Variants in TEX26 observed in about 807,000 individuals in gnomAD.
TEX26 encodes the protein testis-expressed protein 26.
TEX26 carries 34 observed loss-of-function variants against 35.3 expected under a neutral mutation model. That is an observed-to-expected ratio of 0.96 (90% CI 0.73 to 1.28). The LOEUF (loss-of-function observed/expected upper bound fraction) is 1.28, where lower values mean the gene tolerates loss of function less well. Among genes scored for constraint, TEX26 ranks in the 50% most tolerant of loss-of-function variants. The pLI is 0.00. For synonymous variants in TEX26, 136 were observed against 111.8 expected, an observed-to-expected ratio of 1.22 and a Z score of -1.36; for missense variants, 371 against 330.1, an observed-to-expected ratio of 1.12 and a Z score of -0.96.
chr13:30,971,586 T>G (rs928082509), intron 6 of TEX26, among the ~76,000 whole-genome samples: 5 of 152,216 alleles, frequency 3.3e-5, no homozygotes, highest in Non-Finnish European at 2.9e-5. Context: ...AAACTAACGC[T>G]GTGAAAGCAT....
intron 6 of TEX26, among the ~76,000 whole-genome samples, chr13:30,974,131 A>AAAATATATATATATATATATATAT: frequency 3.2e-4 from 27 of 84,404 alleles, no homozygotes; most frequent in South Asian, 4.8e-4. Flanking sequence ...AAAAAAAAAA[A>AAAATATATATATATATATATATAT]ATATATATAT....
At chr13:30,935,601 ACT>A (rs1425676993) in intron 1 of TEX26, among the ~76,000 whole-genome samples, 1 of 152,352 alleles carries the variant, frequency 6.6e-6, no homozygotes, top group East Asian at 1.9e-4. Context: ...TACCCTCTCG[ACT>A]GCCGACAGAC....
Position 30,944,352 on chromosome 13 carries a change from T to C in TEX26, c.146+4574T>C, listed in dbSNP as rs541274701. 3.3e-5 allele frequency among the ~76,000 whole-genome samples: 5 copies of C among 152,132 alleles called. No homozygotes were observed. In the East Asian group the frequency reaches 9.6e-4, roughly 29 times the overall value. ...GTTTATTTGAATATTCTCTCTTCTTTTCTTGGTTAATCTAGTTTATGGTCT... is the reference window on the plus strand; with the variant it reads ...GTTTATTTGAATATTCTCTCTTCTTCTCTTGGTTAATCTAGTTTATGGTCT... On this transcript the variant is annotated intron_variant, in intron 2 of 6. Coordinates refer to ENST00000380473, the MANE Select transcript of TEX26 (RefSeq NM_152325.3).
At chr13:30,969,796 T>C (rs1311646469) in intron 6 of TEX26, among the ~76,000 whole-genome samples, 1 of 152,184 alleles carries the variant, frequency 6.6e-6, no homozygotes, top group Non-Finnish European at 1.5e-5. Flanking sequence ...TAAACTAATG[T>C]ATCACATACA....
rs541894472 is a variant in TEX26 at position 30,967,543 on chromosome 13, C to T, written c.646+1145C>T. 1.8e-4 allele frequency among the ~76,000 whole-genome samples: 28 copies of T among 152,302 alleles called. 1 individual carries two copies. The South Asian group carries it at 3.3e-3, about 18-fold the overall frequency. On this transcript the variant is annotated intron_variant, in intron 5 of 6. Coordinates refer to ENST00000380473, the MANE Select transcript of TEX26 (RefSeq NM_152325.3). ...ACCCTACAAAAACCTTGTCATATGC[C>T]TTCTAAGTCTTCTCTTTTCCAGTTA...
intron 2 of TEX26, among the ~76,000 whole-genome samples, chr13:30,949,118 G>A (rs1352131276): frequency 5.9e-5 from 9 of 152,152 alleles, no homozygotes; most frequent in Non-Finnish European, 1.2e-4. Context: ...TTTGGTACCA[G>A]TACCATGGTG....
intron 2 of TEX26, among the ~76,000 whole-genome samples, chr13:30,949,104 C>T (rs1405130416): frequency 1.3e-5 from 2 of 152,132 alleles, no homozygotes; most frequent in Non-Finnish European, 2.9e-5. Context: ...GTCTATATCT[C>T]TGTTTTGGTA....
At chr13:30,945,424 T>C (rs1352652659) in intron 2 of TEX26, among the ~76,000 whole-genome samples, 1 of 151,900 alleles carries the variant, frequency 6.6e-6, no homozygotes, top group Non-Finnish European at 1.5e-5. Context: ...ATCTATTAAG[T>C]GGAGTATTTA....
chr13:30,962,287 A>T (rs1954373449), intron 4 of TEX26, among the ~76,000 whole-genome samples: 1 of 152,180 alleles, frequency 6.6e-6, no homozygotes, highest in Non-Finnish European at 1.5e-5. Context: ...TGAGTCCTGT[A>T]CAATCTGGTC....
chr13:30,953,087 A>G (rs1008762662), intron 3 of TEX26, among the ~76,000 whole-genome samples: 8 of 152,212 alleles, frequency 5.3e-5, no homozygotes, highest in Non-Finnish European at 1.2e-4. Flanking sequence ...TTTAAAGTGA[A>G]CAATTCACTG....
At chr13:30,963,725 G>T (rs60023452) in intron 4 of TEX26, among the ~76,000 whole-genome samples, 16,987 of 152,232 alleles carry the variant, frequency 0.11, 3,157 homozygotes, top group African/African-American at 0.39. Context: ...ACTCTTTGTA[G>T]TCTGCAAAAC....
At chr13:30,952,634 C>G (rs573419112) in intron 2 of TEX26, 26 bp from the exon 3 acceptor site, 1 of 1,553,130 alleles carries the variant, frequency 6.4e-7, no homozygotes, top group African/African-American at 1.4e-5. Context: ...ACCTCTAACT[C>G]TAATTTCTGC....
chr13:30,957,702 T>TGG (rs748091268), intron 4 of TEX26, among the ~76,000 whole-genome samples: 120 of 152,226 alleles, frequency 7.9e-4, no homozygotes, highest in Middle Eastern at 3.4e-3. Flanking sequence ...ATCTGCAAGG[T>TGG]GGTGGCATGG....
Position 30,952,967 on chromosome 13 carries a change from C to T in TEX26, c.312+142C>T, listed in dbSNP as rs980912343. ...TGGTTCTTTTTAGACTATTTCCTGTCTACCTTCTCACATTTATTTCTAACC... is the reference window on the plus strand; with the variant it reads ...TGGTTCTTTTTAGACTATTTCCTGTTTACCTTCTCACATTTATTTCTAACC... On this transcript the variant is annotated intron_variant, in intron 3 of 6. Transcript: ENST00000380473. 5.6e-5 allele frequency: 41 copies of T among 727,516 alleles called. No individual in the cohort carries two copies. The Middle Eastern group carries it at 1.1e-3, about 20-fold the overall frequency. 45.1% of individuals were successfully genotyped at this position (727,516 alleles called of 1,614,324 possible). A position where few individuals can be genotyped will look rare whatever the true frequency, so the allele number is the denominator to read the frequency against.
intron 1 of TEX26, among the ~76,000 whole-genome samples, chr13:30,938,898 C>A (rs1258637118): frequency 6.6e-6 from 1 of 152,196 alleles, no homozygotes; most frequent in Non-Finnish European, 1.5e-5. Context: ...CTTGGAACTT[C>A]TGCTCCAAGT....
At chr13:30,947,195 GAA>G (rs1295063475) in intron 2 of TEX26, among the ~76,000 whole-genome samples, 2 of 152,018 alleles carry the variant, frequency 1.3e-5, no homozygotes, top group East Asian at 1.9e-4. Context: ...AATACAAAAA[GAA>G]AATTTTTTTG....
chr13:30,936,677 ACT>A, intron 1 of TEX26: 2 of 985,184 alleles, frequency 2.0e-6, no homozygotes, highest in East Asian at 1.1e-4. Context: ...CCAGGTCAAG[ACT>A]CTGTGTCCCA....
chr13:30,974,328 C>T (rs1370429894), intron 6 of TEX26, among the ~76,000 whole-genome samples: 1 of 151,868 alleles, frequency 6.6e-6, no homozygotes, highest in Admixed American at 6.6e-5. Flanking sequence ...ACAGCCCTGG[C>T]TTCTATGAAA....
At chr13:30,950,741 A>C (rs145049955) in intron 2 of TEX26, among the ~76,000 whole-genome samples, 1 of 152,318 alleles carries the variant, frequency 6.6e-6, no homozygotes, top group East Asian at 1.9e-4. Context: ...CATGACATTG[A>C]GAACCACAAG....
Sources: allele counts gnomAD v4.1 joint callset (sites outside exome capture counted in the v4.1 genomes callset), GRCh38; gene constraint gnomAD v4.1.1; transcripts MANE v1.5; gene names NCBI Gene and HGNC (gene_info 2026-07-23, HGNC 2026-07-21).